ARMC8: variants seen among roughly 807,000 people sequenced by gnomAD.
ARMC8 encodes armadillo repeat-containing protein 8.
In ARMC8, 20 loss-of-function variants were observed where a neutral mutation model predicts 99.3. That is an observed-to-expected ratio of 0.20 (90% CI 0.14 to 0.29). The LOEUF (loss-of-function observed/expected upper bound fraction) is 0.29. Among genes scored for constraint, ARMC8 ranks in the 10% least tolerant of loss-of-function variants. ARMC8 has a pLI of 1.00. For synonymous variants in ARMC8, 263 were observed against 278.3 expected (o/e 0.95, Z 0.55); for missense variants, 569 against 809.5 (o/e 0.70, Z 3.60).
chr3:138,273,315 T>C (rs1274409102), intron 17 of ARMC8, among the ~76,000 whole-genome samples, 199 bp downstream of exon 17: 1 of 152,212 alleles, frequency 6.6e-6, no homozygotes, highest in Non-Finnish European at 1.5e-5. Flanking sequence ...TATCACCCCC[T>C]ATTCTCCACT....
At chr3:138,293,545 A>G in intron 21 of ARMC8, among the ~76,000 whole-genome samples, 1 of 152,112 alleles carries the variant, frequency 6.6e-6, no homozygotes, top group East Asian at 1.9e-4. Context: ...TCAAAAAAAA[A>G]AAGAAAAGAG....
intron 12 of ARMC8, among the ~76,000 whole-genome samples, chr3:138,250,383 A>C (rs2047068745): frequency 6.6e-6 from 1 of 152,134 alleles, no homozygotes; most frequent in South Asian, 2.1e-4. Flanking sequence ...TTGAAGGTGT[A>C]AATAAGAGGT....
At chr3:138,216,347 A>G (rs1043824733) in intron 2 of ARMC8, among the ~76,000 whole-genome samples, 3 of 152,140 alleles carry the variant, frequency 2.0e-5, no homozygotes, top group Non-Finnish European at 4.4e-5. Flanking sequence ...AAGTTTTCCA[A>G]CTGCCTCTTG....
chr3:138,286,654 A>G (rs1249667141), intron 19 of ARMC8, among the ~76,000 whole-genome samples: 1 of 152,184 alleles, frequency 6.6e-6, no homozygotes, highest in African/African-American at 2.4e-5. Context: ...TTCTTATTTA[A>G]TAGATCTAGG....
At chr3:138,223,816 A>G (rs2045534721) in intron 5 of ARMC8, 83 bp downstream of exon 5, 5 of 1,177,700 alleles carry the variant, frequency 4.2e-6, no homozygotes, top group Non-Finnish European at 6.2e-6. Flanking sequence ...CAGACTCATC[A>G]TAACTGTGTT....
Position 138,296,047 on chromosome 3 carries a change from A to C in ARMC8, c.*155A>C, listed in dbSNP as rs2051454500. 1 of 598,412 alleles carries C rather than the reference A, an allele frequency of 1.7e-6. No homozygotes were observed. Among genetic ancestry groups the C allele is most frequent in the Non-Finnish European group, 2.7e-6 (1 of 368,496 alleles). The allele number at this position is 598,412 out of a possible 1,614,324, so 37.1% of individuals were successfully genotyped here. On this transcript the variant is annotated 3_prime_UTR_variant, in exon 22 of 22. Transcript: ENST00000469044. ...TTTAGTAGGCTTAGATCTCAAATTC[A>C]TCTTGAGAACATTTTTTTGAGGTAG...
chr3:138,217,585 G>C (rs541112383), intron 2 of ARMC8, among the ~76,000 whole-genome samples: 2 of 152,102 alleles, frequency 1.3e-5, no homozygotes, highest in Non-Finnish European at 2.9e-5. Context: ...AGAAAGTAAA[G>C]TAGAAAGTTT....
intron 17 of ARMC8, among the ~76,000 whole-genome samples, chr3:138,273,537 C>T (rs764171246): frequency 2.6e-5 from 4 of 152,110 alleles, no homozygotes; most frequent in African/African-American, 7.2e-5. Flanking sequence ...CCCACATTTA[C>T]GGGATTGACC....
intron 18 of ARMC8, among the ~76,000 whole-genome samples, chr3:138,280,323 T>TTATTATA (rs2049762157): frequency 6.6e-6 from 1 of 151,320 alleles, no homozygotes; most frequent in South Asian, 2.1e-4. Flanking sequence ...ATTATTATTA[T>TTATTATA]TATATATATT....
chr3:138,273,269 G>A (rs138638454), intron 17 of ARMC8, among the ~76,000 whole-genome samples, 153 bp downstream of exon 17: 1 of 152,300 alleles, frequency 6.6e-6, no homozygotes, highest in African/African-American at 2.4e-5. Context: ...GTCTAAACCT[G>A]TCACCTTCGT....
intron 12 of ARMC8, chr3:138,246,871 G>A (rs2046906334): frequency 3.3e-6 from 3 of 917,164 alleles, no homozygotes; most frequent in Non-Finnish European, 3.9e-6. Context: ...TAAAGAAAAA[G>A]TTATAATTAT....
At chr3:138,256,551 T>TA (rs1002335192) in intron 12 of ARMC8, among the ~76,000 whole-genome samples, 4 of 151,696 alleles carry the variant, frequency 2.6e-5, no homozygotes, top group African/African-American at 7.3e-5. Flanking sequence ...GCTGAGACTA[T>TA]AGGCGCCCGC....
chr3:138,226,304 A>G (rs919010682), intron 5 of ARMC8, among the ~76,000 whole-genome samples: 1 of 152,134 alleles, frequency 6.6e-6, no homozygotes, highest in African/African-American at 2.4e-5. Flanking sequence ...TAACATCTTT[A>G]TTTTATACCT....
intron 5 of ARMC8, among the ~76,000 whole-genome samples, chr3:138,226,181 A>C (rs1394187226): frequency 6.6e-6 from 1 of 151,990 alleles, no homozygotes; most frequent in Non-Finnish European, 1.5e-5. Flanking sequence ...TTTTTAGTAG[A>C]GACAAGGTTT....
At chr3:138,201,449 T>TTTTTTTTC (rs2044070311) in intron 1 of ARMC8, among the ~76,000 whole-genome samples, 1 of 65,756 alleles carries the variant, frequency 1.5e-5, no homozygotes, top group African/African-American at 7.2e-5. Context: ...TTTTTTTTTT[T>TTTTTTTTC]TTTTTTTTTT....
At chr3:138,246,666 G>T in intron 12 of ARMC8, 5 of 985,650 alleles carry the variant, frequency 5.1e-6, no homozygotes, top group Non-Finnish European at 6.0e-6. Context: ...TGGGAAATAG[G>T]ATGTCCATTT....
At chr3:138,211,541 G>A (rs2044696586) in intron 2 of ARMC8, among the ~76,000 whole-genome samples, 2 of 152,244 alleles carry the variant, frequency 1.3e-5, no homozygotes, top group South Asian at 4.1e-4. Context: ...CTAAAATGTA[G>A]TTTGATAGCC....
At chr3:138,275,393 TAAAA>T (rs1308864336) in intron 18 of ARMC8, among the ~76,000 whole-genome samples, 1 of 151,828 alleles carries the variant, frequency 6.6e-6, no homozygotes, top group Non-Finnish European at 1.5e-5. Flanking sequence ...CCATCTCTAC[TAAAA>T]AAATACAAAA....
intron 2 of ARMC8, among the ~76,000 whole-genome samples, chr3:138,220,630 A>G (rs1416331169): frequency 2.0e-5 from 3 of 152,184 alleles, no homozygotes; most frequent in African/African-American, 7.2e-5. Flanking sequence ...CTTTAATGCC[A>G]GTAAATATGA....
Sources: allele counts gnomAD v4.1 joint callset (sites outside exome capture counted in the v4.1 genomes callset), GRCh38; gene constraint gnomAD v4.1.1; transcripts MANE v1.5; gene names NCBI Gene and HGNC (gene_info 2026-07-23, HGNC 2026-07-21).